NFIB: variants seen among roughly 807,000 people sequenced by gnomAD.
NFIB encodes nuclear factor I B.
Under a neutral mutation model 61.5 loss-of-function variants are expected in NFIB, and 11 were observed. The observed-to-expected ratio is 0.18, with a 90% CI of 0.11 to 0.30. NFIB has a LOEUF of 0.30. Ranked by LOEUF, NFIB falls within the 10% of genes least tolerant of loss-of-function variation. The pLI is 1.00. For synonymous variants in NFIB, 260 were observed against 216.5 expected, an observed-to-expected ratio of 1.20 and a Z score of -1.76; for missense variants, 471 against 608.9, an observed-to-expected ratio of 0.77 and a Z score of 2.38.
At chr9:14,462,303 G>T in the NFIB span, among the ~76,000 whole-genome samples, 1 of 147,208 alleles carries the variant, frequency 6.8e-6, no homozygotes, top group African/African-American at 2.5e-5. Context: ...TTTTTTTTCA[G>T]ACAGAGTCTT....
At chr9:14,223,892 C>G (rs1228424882) in intron 2 of NFIB, among the ~76,000 whole-genome samples, 1 of 152,198 alleles carries the variant, frequency 6.6e-6, no homozygotes, top group Admixed American at 6.5e-5. Flanking sequence ...ACACTATATC[C>G]TATCAGCCAC....
At chr9:14,471,074 T>C in the NFIB span, among the ~76,000 whole-genome samples, 6 of 152,334 alleles carry the variant, frequency 3.9e-5, no homozygotes, top group African/African-American at 1.4e-4. Flanking sequence ...TGGAGACAAT[T>C]ATCTCTACAG....
At chr9:14,326,111 T>C (rs1396798279) in intron 1 of NFIB, among the ~76,000 whole-genome samples, 1 of 152,216 alleles carries the variant, frequency 6.6e-6, no homozygotes, top group African/African-American at 2.4e-5. Context: ...ACTACTTTTA[T>C]TCAGGAGAGG....
At chr9:14,187,065 G>GTGTGTGTGTGTGTGTGTGTGTA (rs1554666429) in intron 2 of NFIB, among the ~76,000 whole-genome samples, 2 of 130,818 alleles carry the variant, frequency 1.5e-5, no homozygotes, top group African/African-American at 5.7e-5. Context: ...GTGTGTGTGT[G>GTGTGTGTGTGTGTGTGTGTGTA]TGTGTGTGCC....
chr9:14,167,071 G>C (rs1461286037), intron 3 of NFIB, among the ~76,000 whole-genome samples: 2 of 12,424 alleles, frequency 1.6e-4, no homozygotes, highest in Non-Finnish European at 3.2e-4. Flanking sequence ...GCATATTGTT[G>C]TGTGTGTGTG....
chr9:14,348,332 G>A (rs906837184), intron 1 of NFIB, among the ~76,000 whole-genome samples: 2 of 101,656 alleles, frequency 2.0e-5, no homozygotes, highest in African/African-American at 1.2e-4. Context: ...AGTAACTACC[G>A]GGGGTGAAAA....
chr9:14,412,582 T>C, the NFIB span, among the ~76,000 whole-genome samples: 1 of 152,196 alleles, frequency 6.6e-6, no homozygotes, highest in African/African-American at 2.4e-5. Flanking sequence ...TCCTGCTTTC[T>C]TCTCATCGGT....
chr9:14,274,617 T>C (rs1184217811), intron 2 of NFIB, among the ~76,000 whole-genome samples: 1 of 152,170 alleles, frequency 6.6e-6, no homozygotes, highest in Non-Finnish European at 1.5e-5. Flanking sequence ...AATCTTAGAT[T>C]TGAACAGAAA....
At chr9:14,321,027 C>G (rs1159205352) in intron 1 of NFIB, among the ~76,000 whole-genome samples, 5 of 152,106 alleles carry the variant, frequency 3.3e-5, no homozygotes, top group Non-Finnish European at 1.5e-5. Flanking sequence ...TGGCCATGTT[C>G]ACAGCCCTAA....
At chr9:14,215,743 C>T (rs1018974763) in intron 2 of NFIB, among the ~76,000 whole-genome samples, 2 of 152,168 alleles carry the variant, frequency 1.3e-5, no homozygotes, top group African/African-American at 2.4e-5. Context: ...CTGTAATACT[C>T]CAATTGTATT....
intron 6 of NFIB, among the ~76,000 whole-genome samples, chr9:14,134,340 A>T (rs2040752058): frequency 2.0e-5 from 3 of 152,250 alleles, no homozygotes; most frequent in East Asian, 3.9e-4. Flanking sequence ...TACAGTAGGA[A>T]TGTATTTATT....
chr9:14,409,348 C>T, the NFIB span, among the ~76,000 whole-genome samples: 1 of 152,184 alleles, frequency 6.6e-6, no homozygotes, highest in Admixed American at 6.5e-5. Context: ...TGCAAGCCAG[C>T]CTCAGCACAG....
intron 1 of NFIB, among the ~76,000 whole-genome samples, chr9:14,386,389 A>G (rs1338924166): frequency 6.6e-6 from 1 of 152,180 alleles, no homozygotes; most frequent in Non-Finnish European, 1.5e-5. Context: ...GCCCCTAGCA[A>G]AAGTCCAACT....
At chr9:14,365,184 A>C (rs1226283317) in intron 1 of NFIB, among the ~76,000 whole-genome samples, 1 of 152,240 alleles carries the variant, frequency 6.6e-6, no homozygotes, top group Admixed American at 6.5e-5. Flanking sequence ...CTGAAACAGA[A>C]TTCTGCTGCT....
intron 2 of NFIB, among the ~76,000 whole-genome samples, chr9:14,220,165 A>C (rs2051466517): frequency 6.6e-6 from 1 of 152,204 alleles, no homozygotes; most frequent in African/African-American, 2.4e-5. Flanking sequence ...CAGGAACAAT[A>C]TCCCCTGAAT....
intron 2 of NFIB, among the ~76,000 whole-genome samples, chr9:14,189,297 G>T (rs1370993988): frequency 6.6e-6 from 1 of 152,188 alleles, no homozygotes; most frequent in Non-Finnish European, 1.5e-5. Flanking sequence ...AGCAGGACAT[G>T]TTCTCTCCAA....
chr9:14,380,508 A>G (rs147150383), intron 1 of NFIB, among the ~76,000 whole-genome samples: 32 of 152,346 alleles, frequency 2.1e-4, no homozygotes, highest in African/African-American at 7.5e-4. Context: ...TATAGAAAAC[A>G]AGGAAGTCAC....
intron 1 of NFIB, among the ~76,000 whole-genome samples, chr9:14,360,928 G>C (rs1156957318): frequency 6.6e-6 from 1 of 151,922 alleles, no homozygotes; most frequent in Non-Finnish European, 1.5e-5. Context: ...TTGTTAGTGT[G>C]GAAGAGCACT....
At chr9:14,512,204 G>A in the NFIB span, among the ~76,000 whole-genome samples, 1 of 152,124 alleles carries the variant, frequency 6.6e-6, no homozygotes, top group Non-Finnish European at 1.5e-5. Context: ...GGGTTCCAAC[G>A]TCTACAAAGC....
Sources: allele counts gnomAD v4.1 joint callset (sites outside exome capture counted in the v4.1 genomes callset), GRCh38; gene constraint gnomAD v4.1.1; transcripts MANE v1.5; gene names NCBI Gene and HGNC (gene_info 2026-07-23, HGNC 2026-07-21).